RTN4IP1: variants seen among roughly 807,000 people sequenced by gnomAD.
The protein encoded by RTN4IP1 is reticulon 4 interacting protein 1.
In RTN4IP1, 32 loss-of-function variants were observed where a neutral mutation model predicts 46.6. The observed-to-expected ratio is 0.69, with a 90% CI of 0.52 to 0.92. The LOEUF (loss-of-function observed/expected upper bound fraction) is 0.92, where lower values mean the gene tolerates loss of function less well. Ranked by LOEUF, RTN4IP1 falls within the 40% of genes least tolerant of loss-of-function variation. RTN4IP1 has a pLI of 0.00. For synonymous variants in RTN4IP1, 167 were observed against 161.8 expected (o/e 1.03, Z -0.24); for missense variants, 424 against 485.8 (o/e 0.87, Z 1.20).
At chr6:106,586,197 G>T (rs1775480263) in intron 7 of RTN4IP1, among the ~76,000 whole-genome samples, 1 of 152,016 alleles carries the variant, frequency 6.6e-6, no homozygotes, top group Non-Finnish European at 1.5e-5. Context: ...CCCATAAAAG[G>T]TCCCAAATTA....
intron 1 of RTN4IP1, among the ~76,000 whole-genome samples, chr6:106,628,395 G>C (rs1218732022): frequency 6.6e-6 from 1 of 151,744 alleles, no homozygotes; most frequent in Admixed American, 6.6e-5. Flanking sequence ...TTGAACCCAG[G>C]ATGCGGAGGT....
At chr6:106,619,434 G>A (rs1776428819) in intron 3 of RTN4IP1, 108 bp from the exon 4 acceptor site, 2 of 1,312,842 alleles carry the variant, frequency 1.5e-6, no homozygotes, top group Admixed American at 4.4e-5. Context: ...AACAACAGGG[G>A]TTTGAATTGT....
At chr6:106,625,476 C>T (rs1776611160) in intron 1 of RTN4IP1, among the ~76,000 whole-genome samples, 1 of 151,964 alleles carries the variant, frequency 6.6e-6, no homozygotes, top group South Asian at 2.1e-4. Flanking sequence ...CTTTGGTAAC[C>T]CTGCCAGGAG....
At chr6:106,584,932 A>G (rs1775448935) in intron 7 of RTN4IP1, among the ~76,000 whole-genome samples, 1 of 152,242 alleles carries the variant, frequency 6.6e-6, no homozygotes, top group Non-Finnish European at 1.5e-5. Context: ...CTAGGACTAC[A>G]GATATAAAGA....
intron 1 of RTN4IP1, among the ~76,000 whole-genome samples, chr6:106,624,528 G>A (rs1466217791): frequency 1.3e-5 from 2 of 151,086 alleles, no homozygotes; most frequent in Non-Finnish European, 3.0e-5. Flanking sequence ...GTAGAAACAG[G>A]GATTCATCAT....
At chr6:106,621,636 C>T (rs1776489656) in intron 2 of RTN4IP1, 143 bp from the exon 3 acceptor site, 2 of 623,678 alleles carry the variant, frequency 3.2e-6, no homozygotes, top group Non-Finnish European at 5.6e-6. Context: ...GTGTTATTTT[C>T]ATGATATAAA....
At chr6:106,624,309 C>T (rs956543615) in intron 1 of RTN4IP1, among the ~76,000 whole-genome samples, 1 of 152,106 alleles carries the variant, frequency 6.6e-6, no homozygotes, top group Non-Finnish European at 1.5e-5. Flanking sequence ...CCGCCTCGGC[C>T]TCCCAAAGTG....
intron 6 of RTN4IP1, among the ~76,000 whole-genome samples, chr6:106,590,337 AC>A (rs1215882515): frequency 4.0e-5 from 6 of 151,780 alleles, no homozygotes; most frequent in African/African-American, 1.5e-4. Flanking sequence ...ATACAAAAAA[AC>A]AAAACAAAAC....
At chr6:106,605,943 G>A (rs1464638912) in intron 4 of RTN4IP1, among the ~76,000 whole-genome samples, 5 of 151,868 alleles carry the variant, frequency 3.3e-5, no homozygotes, top group African/African-American at 4.8e-5. Context: ...AAAAAGTACT[G>A]GAAGTACTAG....
chr6:106,586,093 A>T (rs1775478117), intron 7 of RTN4IP1, among the ~76,000 whole-genome samples: 1 of 152,190 alleles, frequency 6.6e-6, no homozygotes, highest in Non-Finnish European at 1.5e-5. Context: ...ATTTCATAAG[A>T]ATTGAGTCGT....
intron 1 of RTN4IP1, among the ~76,000 whole-genome samples, chr6:106,625,732 C>G (rs145406490): frequency 0.076 from 10,637 of 140,206 alleles, 990 homozygotes; most frequent in African/African-American, 0.21. Context: ...GGCGTGATCT[C>G]GGCTCACTGC....
At chr6:106,582,771 A>C (rs1308578794) in intron 8 of RTN4IP1, among the ~76,000 whole-genome samples, 1 of 152,116 alleles carries the variant, frequency 6.6e-6, no homozygotes, top group Non-Finnish European at 1.5e-5. Flanking sequence ...ACATCCAAAA[A>C]ACGATGACCA....
At chr6:106,617,946 A>G (rs1006201774) in intron 4 of RTN4IP1, among the ~76,000 whole-genome samples, 3 of 152,248 alleles carry the variant, frequency 2.0e-5, no homozygotes, top group African/African-American at 7.2e-5. Flanking sequence ...GTTATTAACT[A>G]AGAGAAACCA....
chr6:106,602,805 A>T, intron 5 of RTN4IP1, 69 bp downstream of exon 5: 1 of 1,069,526 alleles, frequency 9.3e-7, no homozygotes, highest in Non-Finnish European at 1.4e-6. Context: ...AAGGAGAAAT[A>T]ATGTATCTTA....
At chr6:106,588,419 A>C (rs1319158039) in intron 6 of RTN4IP1, among the ~76,000 whole-genome samples, 1 of 152,218 alleles carries the variant, frequency 6.6e-6, no homozygotes, top group Non-Finnish European at 1.5e-5. Flanking sequence ...TGCTCATGGA[A>C]GCATCCTCTT....
intron 7 of RTN4IP1, among the ~76,000 whole-genome samples, chr6:106,586,885 C>T (rs929520628): frequency 1.3e-5 from 2 of 152,220 alleles, no homozygotes; most frequent in Non-Finnish European, 2.9e-5. Context: ...CTCCAAGGCC[C>T]GCCACTCACC....
At position 106,589,102 on chromosome 6, in the gene RTN4IP1, C is replaced by T. The variant is rs187577587; in HGVS notation, c.807-1240G>A. Among the ~76,000 whole-genome samples, 144 of 117,430 alleles carry T rather than the reference C, an allele frequency of 1.2e-3. 2 individuals are homozygous for T. In the East Asian group the frequency reaches 0.036, roughly 29 times the overall value. 77.0% of individuals were successfully genotyped at this position (117,430 alleles called of 152,430 possible). On this transcript the variant is annotated intron_variant, in intron 6 of 8. Transcript: ENST00000369063. ...TCCAGCCTGGGCAACAAGAGCGAAA[C>T]TCAGAAGAAGAAGAGGAAGAAGAGG... is the stretch of plus-strand genomic sequence containing the variant.
intron 1 of RTN4IP1, among the ~76,000 whole-genome samples, chr6:106,624,374 G>C (rs1421520639): frequency 1.3e-5 from 2 of 151,408 alleles, no homozygotes; most frequent in Non-Finnish European, 2.9e-5. Context: ...ATTTTTTTAA[G>C]AGATGAAGCC....
chr6:106,589,527 T>G (rs376126178), intron 6 of RTN4IP1, among the ~76,000 whole-genome samples: 5 of 152,144 alleles, frequency 3.3e-5, no homozygotes, highest in African/African-American at 2.4e-5. Flanking sequence ...ACAGGCATTG[T>G]CTGAGAAAGA....
Sources: allele counts gnomAD v4.1 joint callset (sites outside exome capture counted in the v4.1 genomes callset), GRCh38; gene constraint gnomAD v4.1.1; transcripts MANE v1.5; gene names NCBI Gene and HGNC (gene_info 2026-07-23, HGNC 2026-07-21).